Variants in RBFOX1 observed in about 807,000 individuals in gnomAD.
RBFOX1 encodes RNA binding fox-1 homolog 1, also known as RNA binding protein fox-1 homolog 1.
In RBFOX1, 8 loss-of-function variants were observed where a neutral mutation model predicts 57.7. The ratio of observed to expected loss-of-function variants is 0.14; its 90% CI spans 0.08 to 0.25. The LOEUF is 0.25. Among genes scored for constraint, RBFOX1 ranks in the 10% least tolerant of loss-of-function variants. The pLI is 1.00. For synonymous variants in RBFOX1, 326 were observed against 222.4 expected (o/e 1.47, Z -4.15); for missense variants, 611 against 548.5 (o/e 1.11, Z -1.14).
intron 3 of RBFOX1, among the ~76,000 whole-genome samples, chr16:5,848,427 AC>A (rs1451180539): frequency 1.3e-5 from 2 of 152,160 alleles, no homozygotes; most frequent in African/African-American, 4.8e-5. Flanking sequence ...GAATCAGAAA[AC>A]CATCTGAAAA....
In RBFOX1 at chr16:7,579,851, G is replaced by T; in HGVS notation, c.345G>T (p.Gln115His). Reference sequence around the variant, plus strand: ...CTGAAAACACGGAAAACAAGTCTCAGCCCAAGCGGCTGCATGTCTCCAATA... The same window carrying T: ...CTGAAAACACGGAAAACAAGTCTCATCCCAAGCGGCTGCATGTCTCCAATA... ...QPSENTENKSQPKRLHVSNIP... is the reference protein window; with the variant it reads ...QPSENTENKSHPKRLHVSNIP... Residue 115 changes from glutamine to histidine, a missense_variant, in exon 6 of 16, where the codon CAG becomes CAT. Gln to His is a conservative substitution (Grantham distance 24). Coordinates refer to ENST00000550418, the MANE Select transcript of RBFOX1 (RefSeq NM_018723.4). 6.2e-7 allele frequency: 1 copy of T among 1,614,100 alleles called. No individual in the cohort carries two copies. Among genetic ancestry groups the T allele is most frequent in the South Asian group, 1.1e-5 (1 of 91,084 alleles).
At chr16:7,641,908 G>A (rs771265663) in intron 11 of RBFOX1, among the ~76,000 whole-genome samples, 16 of 152,086 alleles carry the variant, frequency 1.1e-4, no homozygotes, top group African/African-American at 3.4e-4. Context: ...CTCCTCAAAT[G>A]CTACTCTTTC....
At chr16:6,402,239 A>T (rs868657395) in intron 2 of RBFOX1, among the ~76,000 whole-genome samples, 2 of 152,124 alleles carry the variant, frequency 1.3e-5, no homozygotes, top group Non-Finnish European at 2.9e-5. Flanking sequence ...TGACCCTGAC[A>T]TTCATCCCCA....
intron 12 of RBFOX1, among the ~76,000 whole-genome samples, chr16:7,659,599 GA>G (rs1568329258): frequency 2.0e-5 from 3 of 151,812 alleles, no homozygotes; most frequent in African/African-American, 4.8e-5. Flanking sequence ...AAAGAAAAAA[GA>G]AAAAAAAGAA....
chr16:5,775,623 C>G (rs1567525613), intron 3 of RBFOX1, among the ~76,000 whole-genome samples: 1 of 152,216 alleles, frequency 6.6e-6, no homozygotes, highest in Admixed American at 6.5e-5. Context: ...TCCCTTGTCT[C>G]TGTTCATCCA....
intron 3 of RBFOX1, among the ~76,000 whole-genome samples, chr16:7,028,542 G>A (rs1451254475): frequency 7.4e-5 from 10 of 134,932 alleles, no homozygotes; most frequent in Admixed American, 6.0e-4. Flanking sequence ...AGCTGAGGTT[G>A]AAGCATTGCA....
intron 4 of RBFOX1, among the ~76,000 whole-genome samples, chr16:5,907,713 A>T (rs1030353918): frequency 1.4e-5 from 2 of 142,608 alleles, no homozygotes; most frequent in African/African-American, 5.5e-5. Flanking sequence ...GAACTCAAGG[A>T]GACTATTTAT....
intron 3 of RBFOX1, among the ~76,000 whole-genome samples, chr16:6,880,685 G>A (rs1024003700): frequency 1.3e-5 from 2 of 152,166 alleles, no homozygotes; most frequent in South Asian, 2.1e-4. Flanking sequence ...AAAGAGCACT[G>A]AGCTGTATGA....
At position 7,711,613 on chromosome 16, in the gene RBFOX1, C is replaced by G. The variant is rs1356133702; in HGVS notation, c.*868C>G. The G allele has an allele frequency of 1.3e-5, 2 of 149,954 alleles. No homozygotes were observed. Among genetic ancestry groups the G allele is most frequent in the Non-Finnish European group, 3.0e-5 (2 of 67,418 alleles). The allele number at this position is 149,954 out of a possible 1,614,324, so 9.3% of individuals were successfully genotyped here. A position where few individuals can be genotyped will look rare whatever the true frequency, so the allele number is the denominator to read the frequency against. On this transcript the variant is annotated 3_prime_UTR_variant, in exon 16 of 16. Transcript: ENST00000550418. Reference sequence around the variant, plus strand: ...ACTGTTTCTATTTTTTTCTTTTTTTCCAAAAAAAGAAAGTAATAAAAACTT... The same window carrying G: ...ACTGTTTCTATTTTTTTCTTTTTTTGCAAAAAAAGAAAGTAATAAAAACTT...
At chr16:6,609,683 C>T (rs2098011282) in intron 2 of RBFOX1, among the ~76,000 whole-genome samples, 1 of 152,058 alleles carries the variant, frequency 6.6e-6, no homozygotes, top group East Asian at 1.9e-4. Flanking sequence ...CCAGATGGTT[C>T]AGTGTTTCCT....
chr16:6,236,339 A>C (rs531071516), intron 1 of RBFOX1, among the ~76,000 whole-genome samples: 243 of 152,234 alleles, frequency 1.6e-3, no homozygotes, highest in African/African-American at 5.4e-3. Flanking sequence ...CCTAACTCAT[A>C]ATCTGTGGAA....
At chr16:7,371,120 C>T (rs893903215) in intron 4 of RBFOX1, among the ~76,000 whole-genome samples, 1 of 152,136 alleles carries the variant, frequency 6.6e-6, no homozygotes, top group Non-Finnish European at 1.5e-5. Flanking sequence ...TTCATAAATG[C>T]CAAGGCCTGC....
At chr16:6,247,277 G>T (rs1020859529) in intron 1 of RBFOX1, among the ~76,000 whole-genome samples, 1 of 152,128 alleles carries the variant, frequency 6.6e-6, no homozygotes, top group African/African-American at 2.4e-5. Context: ...AGCCTTCAAT[G>T]GATTGAGGAG....
chr16:6,389,413 T>A (rs2092477756), intron 2 of RBFOX1, among the ~76,000 whole-genome samples: 1 of 152,186 alleles, frequency 6.6e-6, no homozygotes, highest in African/African-American at 2.4e-5. Context: ...ATCTTTTATT[T>A]TCCTTGACAG....
chr16:5,572,001 C>G (rs2046300170), intron 2 of RBFOX1, among the ~76,000 whole-genome samples: 1 of 152,200 alleles, frequency 6.6e-6, no homozygotes, highest in Non-Finnish European at 1.5e-5. Context: ...GACCAGCCTC[C>G]TCTATTCTCC....
At chr16:7,377,002 G>C (rs1286046621) in intron 4 of RBFOX1, among the ~76,000 whole-genome samples, 1 of 152,154 alleles carries the variant, frequency 6.6e-6, no homozygotes, top group Non-Finnish European at 1.5e-5. Flanking sequence ...GCTTGGAAAA[G>C]CAGTGATTTC....
chr16:6,996,636 G>A (rs540839062), intron 3 of RBFOX1, among the ~76,000 whole-genome samples: 62 of 152,256 alleles, frequency 4.1e-4, no homozygotes, highest in African/African-American at 1.4e-3. Flanking sequence ...GGACAGTGAC[G>A]CACAAAGAAG....
chr16:5,597,001 A>G (rs2047203978), intron 2 of RBFOX1, among the ~76,000 whole-genome samples: 1 of 152,342 alleles, frequency 6.6e-6, no homozygotes, highest in East Asian at 1.9e-4. Flanking sequence ...TCCATGACCA[A>G]TGTCTACTAG....
At chr16:7,526,506 T>C (rs1009757276) in intron 5 of RBFOX1, among the ~76,000 whole-genome samples, 1 of 152,146 alleles carries the variant, frequency 6.6e-6, no homozygotes, top group Non-Finnish European at 1.5e-5. Context: ...TCTCCAGATC[T>C]CCTCCCTTTT....
Sources: allele counts gnomAD v4.1 joint callset (sites outside exome capture counted in the v4.1 genomes callset), GRCh38; gene constraint gnomAD v4.1.1; transcripts MANE v1.5; gene names NCBI Gene and HGNC (gene_info 2026-07-23, HGNC 2026-07-21).